The following PXDNL variants were observed in gnomAD, a reference collection of about 807,000 sequenced individuals.
PXDNL encodes peroxidasin like.
In PXDNL, 145 loss-of-function variants were observed where a neutral mutation model predicts 150.8. That is an observed-to-expected ratio of 0.96 (90% CI 0.84 to 1.10). PXDNL has a LOEUF of 1.10. Ranked by LOEUF, PXDNL falls within the 50% of genes least tolerant of loss-of-function variation. The pLI, the probability that PXDNL is intolerant of heterozygous loss-of-function variation, is 0.00. For synonymous variants in PXDNL, 757 were observed against 725.7 expected (o/e 1.04, Z -0.69); for missense variants, 2,087 against 1,873.9 (o/e 1.11, Z -2.10).
At chr8:51,665,585 C>A (rs1159066628) in intron 1 of PXDNL, among the ~76,000 whole-genome samples, 2 of 152,172 alleles carry the variant, frequency 1.3e-5, no homozygotes, top group African/African-American at 2.4e-5. Context: ...AGCATAAATA[C>A]TGACACAGAG....
At chr8:51,487,685 G>A (rs1810796162) in intron 5 of PXDNL, among the ~76,000 whole-genome samples, 1 of 152,200 alleles carries the variant, frequency 6.6e-6, no homozygotes, top group African/African-American at 2.4e-5. Context: ...AGTTGATTGT[G>A]TTTGAAGATA....
rs1563481707 is a variant in PXDNL, at chr8:51,608,038, AAAGAAAGAAAGAAAGAAAGCAAGCAAGC to A, written c.237-15368_237-15341del. On this transcript the variant is annotated intron_variant, in intron 2 of 22. Transcript: ENST00000356297. ...GAAAGAAAGAAAGAAAGAAAGAAAG[AAAGAAAGAAAGAAAGAAAGCAAGCAAGC>A]AAGCAAGCAAGCAAGCAAGCAAGCA... Among the ~76,000 whole-genome samples, 24 of 112,572 alleles carry A rather than the reference AAAGAAAGAAAGAAAGAAAGCAAGCAAGC, an allele frequency of 2.1e-4. 1 individual carries two copies. The highest frequency in any genetic ancestry group is 5.5e-4 in the African/African-American group (15 of 27,342). The allele number at this position is 112,572 out of a possible 152,430, so 73.9% of individuals were successfully genotyped here. A position where few individuals can be genotyped will look rare whatever the true frequency, so the allele number is the denominator to read the frequency against.
intron 11 of PXDNL, 52 bp from the exon 12 acceptor site, chr8:51,447,214 C>T: frequency 1.3e-6 from 2 of 1,582,830 alleles, no homozygotes; most frequent in East Asian, 2.3e-5. Flanking sequence ...CACTGAAAGC[C>T]AGAGCTGCTG....
At chr8:51,472,117 T>A in intron 8 of PXDNL, 70 bp downstream of exon 8, 1 of 1,008,360 alleles carries the variant, frequency 9.9e-7, no homozygotes, top group African/African-American at 1.6e-5. Flanking sequence ...GATAAAGGAG[T>A]TAAATTGAGT....
At chr8:51,429,687 C>CTTTT (rs5891411) in intron 12 of PXDNL, among the ~76,000 whole-genome samples, 97 of 125,332 alleles carry the variant, frequency 7.7e-4, no homozygotes, top group Non-Finnish European at 1.2e-3. Context: ...TTTTTCCTTT[C>CTTTT]TTTTTTTTTT....
rs1275872328 is a variant in PXDNL at position 51,534,969 on chromosome 8, G to C, written c.380+21871C>G. Among the ~76,000 whole-genome samples, 30 of 113,742 alleles carry C rather than the reference G, an allele frequency of 2.6e-4. 1 individual carries two copies. The highest frequency in any genetic ancestry group is 4.9e-4 in the Non-Finnish European group (29 of 59,522). The allele number at this position is 113,742 out of a possible 152,430, so 74.6% of individuals were successfully genotyped here. On this transcript the variant is annotated intron_variant, in intron 4 of 22. Coordinates refer to ENST00000356297, the MANE Select transcript of PXDNL (RefSeq NM_144651.5). ...GCCGCCCCGTCCGGGAGGGAGGTGG[G>C]GGGGTCAGCCCCCCGCCCGGCCAGC...
intron 2 of PXDNL, among the ~76,000 whole-genome samples, chr8:51,631,136 T>G (rs1301286065): frequency 1.3e-5 from 2 of 152,166 alleles, no homozygotes; most frequent in African/African-American, 4.8e-5. Flanking sequence ...TACAGCAATA[T>G]GGATGGAGTT....
At chr8:51,488,215 A>G (rs1810811792) in intron 5 of PXDNL, among the ~76,000 whole-genome samples, 1 of 152,192 alleles carries the variant, frequency 6.6e-6, no homozygotes, top group Non-Finnish European at 1.5e-5. Flanking sequence ...ACCAACAGAT[A>G]AGAGTATTCA....
chr8:51,426,517 A>G (rs1414074685), intron 13 of PXDNL, 129 bp downstream of exon 13: 4 of 577,348 alleles, frequency 6.9e-6, no homozygotes. Context: ...GCTGCAATGT[A>G]AAAGGTATTA....
At chr8:51,751,298 A>G (rs1227634941) in intron 1 of PXDNL, among the ~76,000 whole-genome samples, 7 of 152,224 alleles carry the variant, frequency 4.6e-5, no homozygotes, top group Admixed American at 4.6e-4. Flanking sequence ...CTATTGACAT[A>G]TATCACTATT....
intron 8 of PXDNL, among the ~76,000 whole-genome samples, chr8:51,466,787 T>C (rs1810213434): frequency 6.6e-6 from 1 of 151,892 alleles, no homozygotes; most frequent in Non-Finnish European, 1.5e-5. Context: ...AACAAACTTA[T>C]GAAAAAATGT....
chr8:51,793,457 C>T lies in PXDNL; in HGVS notation c.164+15724G>A, dbSNP rs76253996. Among the ~76,000 whole-genome samples, 907 of 152,294 alleles carry T rather than the reference C, an allele frequency of 6.0e-3. 16 individuals are homozygous for T. The highest frequency in any genetic ancestry group is 0.021 in the African/African-American group (861 of 41,548). On this transcript the variant is annotated intron_variant, in intron 1 of 22. Transcript: ENST00000356297. The stretch of plus-strand genomic sequence containing the variant: ...CCTCCAAATGATCACAACACCTCTC[C>T]AGCAAGGGCACAGCGCTGAGCAGAG...
chr8:51,563,632 T>C (rs78015625), intron 3 of PXDNL, among the ~76,000 whole-genome samples: 2 of 151,960 alleles, frequency 1.3e-5, no homozygotes, highest in East Asian at 3.9e-4. Context: ...TGGGCCAAGA[T>C]GTTTTCTGCC....
At chr8:51,620,945 G>T (rs1009242927) in intron 2 of PXDNL, among the ~76,000 whole-genome samples, 1 of 152,282 alleles carries the variant, frequency 6.6e-6, no homozygotes, top group African/African-American at 2.4e-5. Context: ...TTTGTAAGCT[G>T]CTACAGATAT....
At chr8:51,593,003 A>G (rs957418983) in intron 2 of PXDNL, among the ~76,000 whole-genome samples, 1 of 152,202 alleles carries the variant, frequency 6.6e-6, no homozygotes, top group East Asian at 1.9e-4. Flanking sequence ...GAAAATTATC[A>G]ACATAGTCAT....
intron 1 of PXDNL, among the ~76,000 whole-genome samples, chr8:51,657,651 G>A (rs893311316): frequency 6.6e-6 from 1 of 152,186 alleles, no homozygotes; most frequent in Non-Finnish European, 1.5e-5. Context: ...AATTGGGATT[G>A]CTAGATTATA....
intron 2 of PXDNL, among the ~76,000 whole-genome samples, chr8:51,638,365 G>A (rs1255632321): frequency 6.6e-6 from 1 of 152,062 alleles, no homozygotes; most frequent in Non-Finnish European, 1.5e-5. Context: ...AACCTTCAAT[G>A]TAAATGGGCT....
chr8:51,446,976 T>A, intron 12 of PXDNL, 28 bp downstream of exon 12: 1 of 1,611,558 alleles, frequency 6.2e-7, no homozygotes, highest in Non-Finnish European at 8.5e-7. Context: ...CACTTCAGAA[T>A]GTGAATATGA....
At chr8:51,372,205 G>T in intron 18 of PXDNL, 124 bp from the exon 19 acceptor site, 1 of 647,382 alleles carries the variant, frequency 1.5e-6, no homozygotes, top group Non-Finnish European at 2.7e-6. Flanking sequence ...AAAGAATTAT[G>T]CTTGTTCTCC....
Sources: gnomAD v4.1 joint callset for allele counts (sites outside exome capture counted in the v4.1 genomes callset) on GRCh38, gnomAD v4.1.1 for gene constraint, MANE v1.5 for transcripts, NCBI Gene and HGNC (gene_info 2026-07-23, HGNC 2026-07-21) for gene names.